PLPPR5: variants seen among roughly 807,000 people sequenced by gnomAD.
PLPPR5 encodes the protein phospholipid phosphatase related 5.
PLPPR5 carries 16 observed loss-of-function variants against 33.9 expected under a neutral mutation model. That is an observed-to-expected ratio of 0.47 (90% CI 0.32 to 0.72). The LOEUF (loss-of-function observed/expected upper bound fraction) is 0.72, where lower values mean the gene tolerates loss of function less well. Among genes scored for constraint, PLPPR5 ranks in the 30% least tolerant of loss-of-function variants. The pLI is 0.03. For synonymous variants in PLPPR5, 163 were observed against 150.3 expected, an observed-to-expected ratio of 1.08 and a Z score of -0.62; for missense variants, 301 against 406.7, an observed-to-expected ratio of 0.74 and a Z score of 2.23.
intron 1 of PLPPR5, among the ~76,000 whole-genome samples, chr1:98,971,924 C>T (rs1651676548): frequency 6.6e-6 from 1 of 152,024 alleles, no homozygotes; most frequent in African/African-American, 2.4e-5. Flanking sequence ...ATGGTCTCAC[C>T]ACTGGGACCA....
chr1:98,984,250 C>A (rs1488772978), intron 1 of PLPPR5, among the ~76,000 whole-genome samples: 1 of 151,896 alleles, frequency 6.6e-6, no homozygotes, highest in Non-Finnish European at 1.5e-5. Context: ...AATGAGATAC[C>A]CTGCCAAAGC....
chr1:98,965,357 A>G (rs1489165934), intron 1 of PLPPR5, among the ~76,000 whole-genome samples: 1 of 152,144 alleles, frequency 6.6e-6, no homozygotes. Flanking sequence ...CCCAGTGTTG[A>G]ACACTATGAA....
At chr1:98,947,654 G>A (rs1029302479) in intron 3 of PLPPR5, among the ~76,000 whole-genome samples, 2 of 151,976 alleles carry the variant, frequency 1.3e-5, no homozygotes, top group Non-Finnish European at 2.9e-5. Flanking sequence ...AGGGAGACAG[G>A]GTTAATAATG....
intron 3 of PLPPR5, among the ~76,000 whole-genome samples, chr1:98,935,248 C>T (rs775818561): frequency 3.3e-5 from 5 of 152,126 alleles, no homozygotes; most frequent in Non-Finnish European, 5.9e-5. Context: ...AAGCCAGGTC[C>T]GCACATCATA....
Position 98,959,886 on chromosome 1 carries a change from C to T in PLPPR5, c.238-3145G>A, listed in dbSNP as rs576532351. ...CAAACAGAGAGTTGCTGTCATTAGA[C>T]GCCGATGTCAAATGCCTGTCCATCA... On this transcript the variant is annotated intron_variant, in intron 1 of 5. Transcript: ENST00000263177. 7.2e-5 allele frequency among the ~76,000 whole-genome samples: 11 copies of T among 152,210 alleles called. No individual in the cohort carries two copies. In the South Asian group the frequency reaches 1.0e-3, roughly 14 times the overall value.
At chr1:98,960,142 T>C (rs1651177906) in intron 1 of PLPPR5, among the ~76,000 whole-genome samples, 1 of 151,922 alleles carries the variant, frequency 6.6e-6, no homozygotes, top group Non-Finnish European at 1.5e-5. Context: ...CTCTCTTAAC[T>C]TCCCCCACCC....
intron 3 of PLPPR5, among the ~76,000 whole-genome samples, chr1:98,936,604 A>G (rs184863619): frequency 6.6e-6 from 1 of 152,370 alleles, no homozygotes; most frequent in East Asian, 1.9e-4. Context: ...GGAGTGGTGA[A>G]GAGGCTACTT....
chr1:98,910,918 A>G (rs1472806299), intron 5 of PLPPR5, among the ~76,000 whole-genome samples: 1 of 149,012 alleles, frequency 6.7e-6, no homozygotes, highest in Non-Finnish European at 1.5e-5. Context: ...CATCGGTGTT[A>G]GAAAGAAATG....
chr1:98,983,141 G>T (rs931929569), intron 1 of PLPPR5, among the ~76,000 whole-genome samples: 81 of 151,288 alleles, frequency 5.4e-4, no homozygotes, highest in African/African-American at 1.9e-3. Flanking sequence ...CATTGTGCAG[G>T]TTAGTTACAT....
intron 1 of PLPPR5, among the ~76,000 whole-genome samples, chr1:98,974,370 C>T (rs2219967): frequency 0.041 from 6,258 of 152,122 alleles, 158 homozygotes; most frequent in Non-Finnish European, 0.062. Context: ...TTTCACATTG[C>T]CTTTGCCTTT....
intron 3 of PLPPR5, among the ~76,000 whole-genome samples, chr1:98,932,072 TAAC>T (rs1447435749): frequency 6.6e-6 from 1 of 152,106 alleles, no homozygotes; most frequent in Non-Finnish European, 1.5e-5. Flanking sequence ...GAATAAAACA[TAAC>T]AAGTCTCAGG....
At chr1:98,926,573 C>G (rs1036229721) in intron 3 of PLPPR5, among the ~76,000 whole-genome samples, 1 of 151,816 alleles carries the variant, frequency 6.6e-6, no homozygotes, top group African/African-American at 2.4e-5. Context: ...TTCACATGAA[C>G]TGATGCCTTA....
chr1:98,960,512 G>A (rs998097383), intron 1 of PLPPR5, among the ~76,000 whole-genome samples: 2 of 152,134 alleles, frequency 1.3e-5, no homozygotes, highest in African/African-American at 4.8e-5. Flanking sequence ...CCTGCTCTCA[G>A]ATAAATTCAA....
intron 3 of PLPPR5, among the ~76,000 whole-genome samples, chr1:98,940,333 G>A (rs531506594): frequency 1.3e-5 from 2 of 151,834 alleles, no homozygotes; most frequent in South Asian, 4.2e-4. Flanking sequence ...CTTCTTATAA[G>A]GACACAATCC....
At chr1:98,901,892 A>G (rs1202565492) in intron 5 of PLPPR5, among the ~76,000 whole-genome samples, 1 of 152,088 alleles carries the variant, frequency 6.6e-6, no homozygotes, top group African/African-American at 2.4e-5. Flanking sequence ...ATCTATGTCT[A>G]ACAAATATAA....
chr1:98,936,918 A>T (rs558979496), intron 3 of PLPPR5, among the ~76,000 whole-genome samples: 87 of 152,318 alleles, frequency 5.7e-4, no homozygotes, highest in African/African-American at 1.7e-3. Flanking sequence ...TGAACCAATC[A>T]ACCTATTTTT....
intron 1 of PLPPR5, among the ~76,000 whole-genome samples, chr1:98,967,419 C>A (rs1651489709): frequency 6.6e-6 from 1 of 151,970 alleles, no homozygotes; most frequent in African/African-American, 2.4e-5. Flanking sequence ...ATGCATGTGC[C>A]AGTACAGACA....
chr1:98,904,180 T>C (rs898942256), intron 5 of PLPPR5, among the ~76,000 whole-genome samples: 3 of 152,056 alleles, frequency 2.0e-5, no homozygotes, highest in Non-Finnish European at 2.9e-5. Context: ...ATGAGCTTCA[T>C]TGGGTAGTAT....
intron 1 of PLPPR5, chr1:98,990,987 G>C (rs1652430739): frequency 6.6e-6 from 1 of 152,148 alleles, no homozygotes; most frequent in Non-Finnish European, 1.5e-5. Flanking sequence ...AAATATGCTA[G>C]TCTATAGGAA....
Sources: allele counts gnomAD v4.1 joint callset (sites outside exome capture counted in the v4.1 genomes callset), GRCh38; gene constraint gnomAD v4.1.1; transcripts MANE v1.5; gene names NCBI Gene and HGNC (gene_info 2026-07-23, HGNC 2026-07-21).